The following KAZN variants were observed in gnomAD, a reference collection of about 807,000 sequenced individuals.
KAZN encodes the protein kazrin, periplakin interacting protein.
Under a neutral mutation model 87.4 loss-of-function variants are expected in KAZN, and 40 were observed. The ratio of observed to expected loss-of-function variants is 0.46; its 90% CI spans 0.36 to 0.60. The LOEUF is 0.60. Ranked by LOEUF, KAZN falls within the 20% of genes least tolerant of loss-of-function variation. KAZN has a pLI of 0.00. For missense variants in KAZN, 898 were observed against 1,073.9 expected, an observed-to-expected ratio of 0.84 and a Z score of 2.29; for synonymous variants, 466 against 458.3, an observed-to-expected ratio of 1.02 and a Z score of -0.22.
chr1:15,112,389 G>C, intron 13 of KAZN, 38 bp from the exon 14 acceptor site: 1 of 1,156,604 alleles, frequency 8.6e-7, no homozygotes, highest in Non-Finnish European at 1.3e-6. Context: ...GGAGCTGACT[G>C]AGCCTCCCCT....
At chr1:14,158,389 A>G (rs1645641561) in intron 1 of KAZN, among the ~76,000 whole-genome samples, 1 of 151,966 alleles carries the variant, frequency 6.6e-6, no homozygotes, top group Non-Finnish European at 1.5e-5. Context: ...TCTGCTGTTA[A>G]AAGACTCTGA....
chr1:15,017,973 T>C (rs1480925478), intron 2 of KAZN, among the ~76,000 whole-genome samples: 3 of 152,334 alleles, frequency 2.0e-5, no homozygotes, highest in East Asian at 1.9e-4. Flanking sequence ...TACTAACTTA[T>C]TGATCTTTCC....
At chr1:14,663,922 G>A (rs969614395) in intron 1 of KAZN, among the ~76,000 whole-genome samples, 6 of 152,178 alleles carry the variant, frequency 3.9e-5, no homozygotes, top group African/African-American at 1.2e-4. Context: ...AACAACCCAA[G>A]TGTCCGTCAA....
intron 1 of KAZN, among the ~76,000 whole-genome samples, chr1:14,800,757 G>A (rs915980288): frequency 3.9e-5 from 6 of 152,140 alleles, no homozygotes; most frequent in African/African-American, 1.4e-4. Context: ...AAAATGTGAT[G>A]CTATGTGAAG....
rs141725083 is a variant in KAZN, at chr1:14,337,462, A to G, written c.249+156870A>G. Among the ~76,000 whole-genome samples, 311 of 152,370 alleles carry G rather than the reference A, an allele frequency of 2.0e-3. 1 individual carries two copies. Among genetic ancestry groups the G allele is most frequent in the African/African-American group, 7.1e-3 (297 of 41,582 alleles). ...AATTTACAAATACTATTTTCCCTCA[A>G]TAGGTCTTGTATATTGTTAAGACTT... On this transcript the variant is annotated intron_variant, in intron 2 of 16. Transcript: ENST00000636203.
intron 1 of KAZN, among the ~76,000 whole-genome samples, chr1:14,851,326 G>C (rs74059612): frequency 6.6e-6 from 1 of 152,154 alleles, no homozygotes; most frequent in South Asian, 2.1e-4. Flanking sequence ...CATGCCCTTC[G>C]TGTCCCACAG....
intron 2 of KAZN, among the ~76,000 whole-genome samples, chr1:14,202,455 T>C (rs543158015): frequency 6.6e-6 from 1 of 152,208 alleles, no homozygotes; most frequent in Non-Finnish European, 1.5e-5. Context: ...AAGCTTCTCC[T>C]GTATTGGAGG....
intron 1 of KAZN, among the ~76,000 whole-genome samples, chr1:14,844,423 C>T (rs900307733): frequency 2.0e-5 from 3 of 152,190 alleles, no homozygotes; most frequent in African/African-American, 4.8e-5. Context: ...TCCTCACCTT[C>T]CTTACCCTCC....
chr1:14,336,265 A>G (rs1386894405), intron 2 of KAZN, among the ~76,000 whole-genome samples: 1 of 152,210 alleles, frequency 6.6e-6, no homozygotes, highest in East Asian at 1.9e-4. Context: ...GTGTATTTTC[A>G]AGGTGCATTC....
At chr1:14,932,290 C>T (rs368109844) in intron 1 of KAZN, among the ~76,000 whole-genome samples, 103 of 146,660 alleles carry the variant, frequency 7.0e-4, no homozygotes, top group African/African-American at 2.5e-3. Context: ...CATTGTCGGG[C>T]GTGATGCCGT....
chr1:14,382,251 G>T (rs1661427551), intron 2 of KAZN, among the ~76,000 whole-genome samples: 1 of 152,130 alleles, frequency 6.6e-6, no homozygotes, highest in Non-Finnish European at 1.5e-5. Context: ...GCAATCTACA[G>T]ATTTAATGCA....
chr1:14,615,881 T>C (rs1032535292), intron 1 of KAZN, among the ~76,000 whole-genome samples: 1 of 152,212 alleles, frequency 6.6e-6, no homozygotes, highest in Non-Finnish European at 1.5e-5. Flanking sequence ...ATTCATAATA[T>C]CACCCAATCC....
intron 1 of KAZN, among the ~76,000 whole-genome samples, chr1:13,921,947 T>G (rs1043618958): frequency 6.6e-6 from 1 of 152,172 alleles, no homozygotes; most frequent in Non-Finnish European, 1.5e-5. Flanking sequence ...GTTTGCATTT[T>G]TATTACAGTC....
chr1:14,595,245 T>C (rs1441200387), upstream of KAZN, among the ~76,000 whole-genome samples: 2 of 152,078 alleles, frequency 1.3e-5, no homozygotes, highest in Non-Finnish European at 2.9e-5. Flanking sequence ...TACAGAGCTG[T>C]GTGGGTCTTG....
At chr1:14,372,119 G>A (rs1047911175) in intron 2 of KAZN, among the ~76,000 whole-genome samples, 1 of 152,158 alleles carries the variant, frequency 6.6e-6, no homozygotes, top group Non-Finnish European at 1.5e-5. Flanking sequence ...GAATTTTTCT[G>A]TATCCTTACT....
At chr1:14,565,559 C>A (rs1172900960) in intron 2 of KAZN, among the ~76,000 whole-genome samples, 2 of 152,150 alleles carry the variant, frequency 1.3e-5, no homozygotes, top group Non-Finnish European at 2.9e-5. Flanking sequence ...ATTGATTAAC[C>A]CTTCCTTTCG....
chr1:14,304,220 T>G (rs1654762049), intron 2 of KAZN, among the ~76,000 whole-genome samples: 1 of 152,250 alleles, frequency 6.6e-6, no homozygotes, highest in Non-Finnish European at 1.5e-5. Context: ...GCTGTCTGGC[T>G]GCAGTAGTTT....
At chr1:13,910,527 A>C in intron 1 of KAZN, among the ~76,000 whole-genome samples, 1 of 150,498 alleles carries the variant, frequency 6.6e-6, no homozygotes, top group Admixed American at 6.6e-5. Flanking sequence ...AGTGTGTGTG[A>C]CACCTCCCCC....
chr1:14,772,140 C>G (rs1645036922), intron 1 of KAZN, among the ~76,000 whole-genome samples: 1 of 152,090 alleles, frequency 6.6e-6, no homozygotes, highest in African/African-American at 2.4e-5. Flanking sequence ...TCTCATCTTG[C>G]ATTTGGCATT....
Sources: gnomAD v4.1 joint callset for allele counts (sites outside exome capture counted in the v4.1 genomes callset) on GRCh38, gnomAD v4.1.1 for gene constraint, MANE v1.5 for transcripts, NCBI Gene and HGNC (gene_info 2026-07-23, HGNC 2026-07-21) for gene names.